SLCO4C1: variants seen among roughly 807,000 people sequenced by gnomAD.
The protein encoded by SLCO4C1 is organic anion transporter M1.
SLCO4C1 carries 58 observed loss-of-function variants against 72.1 expected under a neutral mutation model. That is an observed-to-expected ratio of 0.80 (90% CI 0.65 to 1.00). The LOEUF is 1.00. Among genes scored for constraint, SLCO4C1 ranks in the 50% least tolerant of loss-of-function variants. The pLI, the probability that SLCO4C1 is intolerant of heterozygous loss-of-function variation, is 0.00. For missense variants in SLCO4C1, 898 were observed against 857.9 expected (o/e 1.05, Z -0.58); for synonymous variants, 297 against 312.5 (o/e 0.95, Z 0.52).
chr5:102,267,037 T>G (rs10057361), intron 3 of SLCO4C1, among the ~76,000 whole-genome samples: 29,566 of 152,094 alleles, frequency 0.19, 3,697 homozygotes, highest in Non-Finnish European at 0.24. Context: ...GCTATAATTT[T>G]GTTGAGGAAT....
At chr5:102,241,736 GA>G (rs900533803) in intron 10 of SLCO4C1, among the ~76,000 whole-genome samples, 4 of 151,712 alleles carry the variant, frequency 2.6e-5, no homozygotes, top group African/African-American at 9.7e-5. Context: ...CACAGAAATT[GA>G]AAAAACAATC....
chr5:102,247,429 C>T lies in SLCO4C1; in HGVS notation c.1634G>A (p.Cys545Tyr). The T allele has an allele frequency of 6.4e-7, 1 of 1,555,866 alleles. No homozygotes were observed. Among genetic ancestry groups the T allele is most frequent in the Non-Finnish European group, 8.8e-7 (1 of 1,141,780 alleles). ...TTCTGTTTTCCTTTCAATACAGGAACAGTTGTAATATACCTAAAAATATTA... is the reference window on the plus strand; with the variant it reads ...TTCTGTTTTCCTTTCAATACAGGAATAGTTGTAATATACCTAAAAATATTA... ...AHRKPKVYYN[C>Y]SCIERKTEIT... The change falls in exon 10 of 13, where the codon TGT becomes TAT. Residue 545 changes from cysteine to tyrosine, a missense_variant. Cys to Tyr is a radical substitution (Grantham distance 194). Coordinates refer to ENST00000310954, the MANE Select transcript of SLCO4C1 (RefSeq NM_180991.5).
chr5:102,271,227 T>C (rs992782215), intron 2 of SLCO4C1, among the ~76,000 whole-genome samples: 4 of 152,164 alleles, frequency 2.6e-5, no homozygotes, highest in African/African-American at 9.6e-5. Flanking sequence ...TAAAGCTATA[T>C]TTAAATTTAT....
At chr5:102,285,283 T>A (rs4703219) in intron 2 of SLCO4C1, among the ~76,000 whole-genome samples, 14 of 151,536 alleles carry the variant, frequency 9.2e-5, no homozygotes, top group East Asian at 3.9e-4. Flanking sequence ...ATATATATTT[T>A]TTTTTGTTTG....
intron 12 of SLCO4C1, among the ~76,000 whole-genome samples, chr5:102,237,997 A>G (rs1313336295): frequency 6.6e-6 from 1 of 152,210 alleles, no homozygotes; most frequent in Non-Finnish European, 1.5e-5. Flanking sequence ...GTGGTCTCAC[A>G]GTATAGTTCT....
At chr5:102,254,291 G>A (rs1273569039) in intron 8 of SLCO4C1, among the ~76,000 whole-genome samples, 2 of 152,092 alleles carry the variant, frequency 1.3e-5, no homozygotes, top group Non-Finnish European at 2.9e-5. Context: ...GAAGGTTAGT[G>A]GCAACCTAGT....
intron 8 of SLCO4C1, among the ~76,000 whole-genome samples, chr5:102,252,926 A>G (rs1748768449): frequency 6.6e-6 from 1 of 152,186 alleles, no homozygotes; most frequent in African/African-American, 2.4e-5. Flanking sequence ...ATGTGCATAT[A>G]TAAACATCTT....
chr5:102,294,262 T>C (rs1749607251), intron 1 of SLCO4C1, among the ~76,000 whole-genome samples: 1 of 152,096 alleles, frequency 6.6e-6, no homozygotes, highest in East Asian at 1.9e-4. Context: ...GCCAGGCTGG[T>C]ATCCAAGTTC....
intron 2 of SLCO4C1, among the ~76,000 whole-genome samples, chr5:102,287,827 T>C (rs1223767193): frequency 1.3e-5 from 2 of 152,170 alleles, no homozygotes; most frequent in Non-Finnish European, 2.9e-5. Flanking sequence ...GTGCTGGGAT[T>C]ACAGGCATGA....
At chr5:102,253,150 T>C (rs971257667) in intron 8 of SLCO4C1, among the ~76,000 whole-genome samples, 3 of 152,154 alleles carry the variant, frequency 2.0e-5, no homozygotes, top group South Asian at 4.1e-4. Context: ...TTCTATATTC[T>C]ATGAGGTTTT....
At chr5:102,240,051 T>C (rs889391151) in intron 11 of SLCO4C1, among the ~76,000 whole-genome samples, 1 of 152,072 alleles carries the variant, frequency 6.6e-6, no homozygotes, top group Non-Finnish European at 1.5e-5. Context: ...GTCAGAGTAC[T>C]AGACTCAGAG....
chr5:102,247,427 A>G lies in SLCO4C1; in HGVS notation c.1636T>C (p.Ser546Pro). The change falls in exon 10 of 13, where the codon TCC (serine) becomes CCC (proline). Residue 546 changes from serine to proline, a missense_variant. Transcript: ENST00000310954. ...ATTTCTGTTTTCCTTTCAATACAGG[A>G]ACAGTTGTAATATACCTAAAAATAT... The part of the protein sequence containing the change: ...HRKPKVYYNC[S>P]CIERKTEITS... 1 of 1,562,162 alleles carries G rather than the reference A, an allele frequency of 6.4e-7. No homozygotes were observed. The highest frequency in any genetic ancestry group is 8.7e-7 in the Non-Finnish European group (1 of 1,145,536).
intron 6 of SLCO4C1, among the ~76,000 whole-genome samples, chr5:102,258,294 T>C (rs1748875839): frequency 6.6e-6 from 1 of 152,114 alleles, no homozygotes; most frequent in Admixed American, 6.5e-5. Flanking sequence ...ACCTAGAAAA[T>C]TGATAGATAA....
intron 10 of SLCO4C1, among the ~76,000 whole-genome samples, chr5:102,242,963 G>A (rs777805628): frequency 6.6e-6 from 1 of 152,148 alleles, no homozygotes; most frequent in Non-Finnish European, 1.5e-5. Context: ...GGCCAGCAGG[G>A]AGCTCTCTGC....
At chr5:102,291,883 G>A (rs1238693662) in intron 1 of SLCO4C1, among the ~76,000 whole-genome samples, 1 of 151,784 alleles carries the variant, frequency 6.6e-6, no homozygotes, top group African/African-American at 2.4e-5. Flanking sequence ...CTGCAATGGC[G>A]CGATCTCGGC....
intron 8 of SLCO4C1, among the ~76,000 whole-genome samples, chr5:102,255,810 T>C (rs1267583976): frequency 1.3e-5 from 2 of 152,214 alleles, no homozygotes; most frequent in East Asian, 1.9e-4. Flanking sequence ...CATTACCTAA[T>C]TGACTATTTG....
At chr5:102,260,902 G>A (rs1295574960) in intron 5 of SLCO4C1, among the ~76,000 whole-genome samples, 4 of 151,968 alleles carry the variant, frequency 2.6e-5, no homozygotes, top group African/African-American at 7.3e-5. Context: ...AGAAATTAAC[G>A]CGTCTACCTA....
At chr5:102,243,746 T>G (rs1247081678) in intron 10 of SLCO4C1, among the ~76,000 whole-genome samples, 1 of 152,188 alleles carries the variant, frequency 6.6e-6, no homozygotes, top group Admixed American at 6.5e-5. Context: ...AATGAGCTCA[T>G]GGCACCAGAG....
At position 102,249,747 on chromosome 5, in the gene SLCO4C1, T is replaced by C. The variant is rs746029167; in HGVS notation, c.1511A>G (p.Asn504Ser). ...LGNLIAPCNA[N>S]CNCSRSYYYP... Reference sequence around the variant, plus strand: ...ATAATATGATCGCGAACAGTTACAATTGGCATTACAAGGGGCTATCAAGTT... The same window carrying C: ...ATAATATGATCGCGAACAGTTACAACTGGCATTACAAGGGGCTATCAAGTT... The change falls in exon 9 of 13, where the codon AAT (asparagine) becomes AGT (serine). Residue 504 changes from asparagine to serine, a missense_variant. Coordinates refer to ENST00000310954, the MANE Select transcript of SLCO4C1 (RefSeq NM_180991.5). 10 of 1,613,942 alleles carry C rather than the reference T, an allele frequency of 6.2e-6. No homozygotes were observed. The highest frequency in any genetic ancestry group is 1.7e-4 in the Middle Eastern group (1 of 6,056).
Sources: allele counts gnomAD v4.1 joint callset (sites outside exome capture counted in the v4.1 genomes callset), GRCh38; gene constraint gnomAD v4.1.1; transcripts MANE v1.5; gene names NCBI Gene and HGNC (gene_info 2026-07-23, HGNC 2026-07-21).